The following ADGRV1 variants were observed in gnomAD, a reference collection of about 807,000 sequenced individuals.
The protein encoded by ADGRV1 is adhesion G protein-coupled receptor V1.
In ADGRV1, 359 loss-of-function variants were observed where a neutral mutation model predicts 596.2. That is an observed-to-expected ratio of 0.60 (90% CI 0.55 to 0.66). The LOEUF (loss-of-function observed/expected upper bound fraction) is 0.66, where lower values mean the gene tolerates loss of function less well. Among genes scored for constraint, ADGRV1 ranks in the 30% least tolerant of loss-of-function variants. The pLI, the probability that ADGRV1 is intolerant of heterozygous loss-of-function variation, is 0.00. For missense variants in ADGRV1, 7,274 were observed against 7,575.6 expected, an observed-to-expected ratio of 0.96 and a Z score of 1.48; for synonymous variants, 2,681 against 2,679.2, an observed-to-expected ratio of 1.00 and a Z score of -0.02.
intron 84 of ADGRV1, among the ~76,000 whole-genome samples, chr5:90,974,658 T>C (rs1174283809): frequency 6.6e-6 from 1 of 152,156 alleles, no homozygotes; most frequent in Non-Finnish European, 1.5e-5. Flanking sequence ...TGTAGAAAGC[T>C]GAAACTGGAT....
intron 1 of ADGRV1, among the ~76,000 whole-genome samples, chr5:90,578,973 A>C (rs888383412): frequency 1.1e-4 from 17 of 151,128 alleles, no homozygotes; most frequent in Non-Finnish European, 2.2e-4. Context: ...TTTTTTATTG[A>C]GTCTATTTGA....
intron 50 of ADGRV1, among the ~76,000 whole-genome samples, chr5:90,738,444 A>C (rs908688487): frequency 2.6e-5 from 4 of 152,120 alleles, no homozygotes. Context: ...ATTAGTTATC[A>C]GACTTTCATT....
chr5:90,721,193 T>A, intron 45 of ADGRV1, 134 bp downstream of exon 45: 1 of 766,068 alleles, frequency 1.3e-6, no homozygotes, highest in South Asian at 1.9e-5. Context: ...ATTCTTTTAT[T>A]GCATCTATAA....
At chr5:90,828,237 A>G (rs1482972766) in intron 76 of ADGRV1, among the ~76,000 whole-genome samples, 2 of 152,320 alleles carry the variant, frequency 1.3e-5, no homozygotes, top group Non-Finnish European at 2.9e-5. Context: ...TGAAAAATAC[A>G]TAAAACTTCA....
chr5:90,683,757 G>T lies in ADGRV1; in HGVS notation c.5836G>T (p.Ala1946Ser). ...LPDEDPELDK[A>S]FSVSVLSVSS... ...TGACGAAGACCCAGAACTGGATAAGGCATTCTCTGTGTCAGTCCTCAGTGT... is the reference window on the plus strand; with the variant it reads ...TGACGAAGACCCAGAACTGGATAAGTCATTCTCTGTGTCAGTCCTCAGTGT... The change falls in exon 28 of 90, where the codon GCA (alanine) becomes TCA (serine). Residue 1946 changes from alanine to serine, a missense_variant. This residue lies in a region of ADGRV1 where 3,643 missense variants were observed against 3,809.2 expected (regional missense o/e 0.96). Coordinates refer to ENST00000405460, the MANE Select transcript of ADGRV1 (RefSeq NM_032119.4). 1 of 1,613,808 alleles carries T rather than the reference G, an allele frequency of 6.2e-7. No individual in the cohort carries two copies. The highest frequency in any genetic ancestry group is 8.5e-7 in the Non-Finnish European group (1 of 1,179,858).
chr5:91,031,884 C>T (rs923082242), intron 85 of ADGRV1, among the ~76,000 whole-genome samples: 11 of 152,008 alleles, frequency 7.2e-5, no homozygotes, highest in East Asian at 3.9e-4. Context: ...TAGATCCCTG[C>T]GCTTGCGGAT....
intron 89 of ADGRV1, among the ~76,000 whole-genome samples, chr5:91,157,532 T>C (rs1364459714): frequency 6.6e-6 from 1 of 152,108 alleles, no homozygotes; most frequent in Non-Finnish European, 1.5e-5. Flanking sequence ...CTCCACAGAA[T>C]TTTATCCTAC....
At position 90,647,508 on chromosome 5, in the gene ADGRV1, A is replaced by G. The variant is rs771870456; in HGVS notation, c.3033A>G (p.Val1011=). The part of the protein sequence containing the change: ...DDPIYFAEPR[V]VRVQEGETAN... ...TTGTGGATATTTCAGAACCTCGTGT[A>G]GTGAGGGTTCAGGAAGGTGAGACTG... The change falls in exon 17 of 90, where the codon GTA becomes GTG. Residue 1011 remains valine (V), a synonymous_variant. Coordinates refer to ENST00000405460, the MANE Select transcript of ADGRV1 (RefSeq NM_032119.4). 8.1e-6 allele frequency: 13 copies of G among 1,611,618 alleles called. No individual in the cohort carries two copies. In the African/African-American group the frequency reaches 1.3e-4, roughly 17 times the overall value.
intron 47 of ADGRV1, 121 bp downstream of exon 47, chr5:90,725,353 G>A (rs1029634381): frequency 2.4e-5 from 18 of 749,860 alleles, no homozygotes; most frequent in African/African-American, 5.5e-5. Context: ...CTTTTTGTGA[G>A]TTGATATACA....
At chr5:90,586,771 C>T (rs1758814848) in intron 1 of ADGRV1, among the ~76,000 whole-genome samples, 1 of 152,142 alleles carries the variant, frequency 6.6e-6, no homozygotes, top group Admixed American at 6.5e-5. Context: ...ACAGCTCAGT[C>T]CTTTCATTGT....
At chr5:90,959,948 G>A (rs958408630) in intron 83 of ADGRV1, among the ~76,000 whole-genome samples, 1 of 152,020 alleles carries the variant, frequency 6.6e-6, no homozygotes, top group East Asian at 1.9e-4. Context: ...GACCATCCTG[G>A]CTAACACGGT....
chr5:90,949,886 A>ACAGTG (rs1265115860), intron 83 of ADGRV1, among the ~76,000 whole-genome samples: 4 of 152,336 alleles, frequency 2.6e-5, no homozygotes, highest in Admixed American at 1.3e-4. Context: ...TCAGTACAGT[A>ACAGTG]CAGAGTGCTC....
intron 87 of ADGRV1, among the ~76,000 whole-genome samples, chr5:91,106,372 G>T (rs1390512009): frequency 6.6e-6 from 1 of 152,108 alleles, no homozygotes; most frequent in Non-Finnish European, 1.5e-5. Flanking sequence ...CTATAGCTTT[G>T]TAGTATATTT....
chr5:91,141,622 A>G (rs1309551896), intron 87 of ADGRV1, among the ~76,000 whole-genome samples: 2 of 152,242 alleles, frequency 1.3e-5, no homozygotes, highest in Admixed American at 6.5e-5. Context: ...TAGAGATTAA[A>G]TGCCTACTCT....
intron 45 of ADGRV1, among the ~76,000 whole-genome samples, chr5:90,724,283 G>T (rs13171303): frequency 0.064 from 9,700 of 152,170 alleles, 419 homozygotes; most frequent in Non-Finnish European, 0.088. Context: ...AAGCTGGAGT[G>T]CAGTGGCACT....
chr5:90,627,831 T>A, intron 7 of ADGRV1, 55 bp downstream of exon 7: 1 of 1,191,756 alleles, frequency 8.4e-7, no homozygotes. Context: ...TATTCCAGAT[T>A]TAAGTTTTGT....
intron 69 of ADGRV1, 35 bp from the exon 70 acceptor site, chr5:90,790,838 A>G: frequency 2.1e-6 from 3 of 1,399,090 alleles, no homozygotes; most frequent in Non-Finnish European, 2.9e-6. Flanking sequence ...ATACTGAATT[A>G]TATAACTTTG....
rs754514658 is a variant in ADGRV1 at position 90,811,084 on chromosome 5, C to G, written c.15824C>G (p.Pro5275Arg). 4 of 1,613,816 alleles carry G rather than the reference C, an allele frequency of 2.5e-6. No individual in the cohort carries two copies. The Admixed American group carries it at 6.7e-5, about 27-fold the overall frequency. The change falls in exon 74 of 90, where the codon CCC becomes CGC. Residue 5275 changes from proline to arginine, a missense_variant. Around this residue, in one of 5 missense-constraint regions of ADGRV1, gnomAD observed 1,874 missense variants for 1,970.2 expected, o/e 0.95. Coordinates refer to ENST00000405460, the MANE Select transcript of ADGRV1 (RefSeq NM_032119.4). ...RCAQMEPNAL[P>R]FRGIYGISNL... ...GCTCAGATGGAACCAAATGCATTGC[C>G]CTTTCGTGGTATCTATGGGATTTCC...
At chr5:91,154,497 G>A (rs973946909) in intron 89 of ADGRV1, among the ~76,000 whole-genome samples, 4 of 152,264 alleles carry the variant, frequency 2.6e-5, no homozygotes, top group South Asian at 2.1e-4. Context: ...GTTAAGCGGC[G>A]GCGCAAAGCA....
Sources: gnomAD v4.1 joint callset for allele counts (sites outside exome capture counted in the v4.1 genomes callset) on GRCh38, gnomAD v4.1.1 for gene constraint, gnomAD v4.1.1 regional missense constraint, MANE v1.5 for transcripts, NCBI Gene and HGNC (gene_info 2026-07-23, HGNC 2026-07-21) for gene names.